Variants in ACKR2 observed in about 807,000 individuals in gnomAD.
ACKR2 encodes C-C chemokine receptor D6.
For missense variants in ACKR2, 457 were observed against 477.3 expected, an observed-to-expected ratio of 0.96 and a Z score of 0.40; for synonymous variants, 207 against 192.2, an observed-to-expected ratio of 1.08 and a Z score of -0.64.
intron 2 of ACKR2, among the ~76,000 whole-genome samples, chr3:42,845,969 C>T (rs1026551734): frequency 2.6e-5 from 4 of 151,886 alleles, no homozygotes; most frequent in African/African-American, 9.7e-5. Flanking sequence ...AAGGGAAAAT[C>T]CTGTAAACTA....
chr3:42,852,966 G>A lies in ACKR2; in HGVS notation c.-37-11500G>A, dbSNP rs1701178530. 6.6e-6 allele frequency among the ~76,000 whole-genome samples: 1 copy of A among 152,182 alleles called. No homozygotes were observed. On this transcript the variant is annotated intron_variant, in intron 2 of 2. Transcript: ENST00000422265. The surrounding 1 kb of genome is among the most constrained non-coding windows in gnomAD (Gnocchi z 4.3). ...GTGCCTGGCTTACAGTGTGGCCCTG[G>A]ATTTCCTGGGAAACTAGAGAGGCGA...
intron 1 of ACKR2, among the ~76,000 whole-genome samples, chr3:42,815,215 A>T (rs1184173493): frequency 6.6e-6 from 1 of 152,236 alleles, no homozygotes; most frequent in Non-Finnish European, 1.5e-5. Context: ...AGGGAGTGTC[A>T]GCCTTAGCCA....
chr3:42,830,967 T>G (rs923110833), intron 2 of ACKR2, among the ~76,000 whole-genome samples: 1 of 151,964 alleles, frequency 6.6e-6, no homozygotes, highest in Admixed American at 6.6e-5. Flanking sequence ...CAGAAATGAC[T>G]AAAAACCTGT....
intron 2 of ACKR2, chr3:42,850,934 G>A (rs1488091636): frequency 5.9e-5 from 9 of 152,378 alleles, no homozygotes; most frequent in Admixed American, 5.9e-4. Flanking sequence ...CTGCTCAGTG[G>A]GAGTTATGGC....
chr3:42,820,390 G>C (rs896677673), intron 2 of ACKR2, among the ~76,000 whole-genome samples: 1 of 151,946 alleles, frequency 6.6e-6, no homozygotes, highest in African/African-American at 2.4e-5. Flanking sequence ...TCAGGAGATC[G>C]AGACCATCCT....
intron 1 of ACKR2, among the ~76,000 whole-genome samples, chr3:42,815,334 ACTT>A (rs1428961420): frequency 1.3e-5 from 2 of 152,180 alleles, no homozygotes; most frequent in Non-Finnish European, 2.9e-5. Context: ...TGTTATCTCT[ACTT>A]CTTGACAAGG....
chr3:42,830,659 G>A (rs1264060663), intron 2 of ACKR2, among the ~76,000 whole-genome samples: 1 of 151,858 alleles, frequency 6.6e-6, no homozygotes, highest in Admixed American at 6.6e-5. Context: ...GTCTCCTGGT[G>A]ATGAGGTGTA....
At chr3:42,833,290 C>T (rs988755608) in intron 2 of ACKR2, among the ~76,000 whole-genome samples, 3 of 152,162 alleles carry the variant, frequency 2.0e-5, no homozygotes, top group African/African-American at 7.2e-5. Flanking sequence ...ATTTATTTAA[C>T]CCAAAATATA....
intron 2 of ACKR2, among the ~76,000 whole-genome samples, chr3:42,851,832 A>G (rs1434911219): frequency 6.6e-6 from 1 of 152,166 alleles, no homozygotes; most frequent in East Asian, 1.9e-4. Flanking sequence ...CCTCTCTCCC[A>G]GGGCCAAAGT....
At chr3:42,823,628 T>C (rs1575376976) in intron 2 of ACKR2, among the ~76,000 whole-genome samples, 1 of 152,218 alleles carries the variant, frequency 6.6e-6, no homozygotes, top group African/African-American at 2.4e-5. Context: ...TTCTAAGCCA[T>C]GCAATCAACT....
chr3:42,848,867 T>G (rs761203874), intron 2 of ACKR2, among the ~76,000 whole-genome samples: 134 of 152,348 alleles, frequency 8.8e-4, no homozygotes, highest in Admixed American at 1.2e-3. Context: ...AGATCACTTC[T>G]GTGTTGTTCC....
intron 2 of ACKR2, among the ~76,000 whole-genome samples, chr3:42,823,553 G>A (rs1425605589): frequency 6.6e-6 from 1 of 152,132 alleles, no homozygotes; most frequent in Non-Finnish European, 1.5e-5. Context: ...GGCTTGCCCT[G>A]ACATGTCCAA....
At chr3:42,840,504 T>G (rs1239281611) in intron 2 of ACKR2, among the ~76,000 whole-genome samples, 1 of 152,142 alleles carries the variant, frequency 6.6e-6, no homozygotes, top group African/African-American at 2.4e-5. Context: ...TCACCTTTAC[T>G]CAGGTGCTAA....
chr3:42,864,403 C>T (rs113992337), intron 2 of ACKR2, 63 bp from the exon 3 acceptor site: 11 of 1,439,748 alleles, frequency 7.6e-6, no homozygotes, highest in Non-Finnish European at 1.0e-5. Flanking sequence ...CCCAGGGCAG[C>T]AGCAAAAGTG....
chr3:42,861,310 C>A (rs2088382251), intron 2 of ACKR2, among the ~76,000 whole-genome samples: 3 of 152,056 alleles, frequency 2.0e-5, no homozygotes, highest in African/African-American at 7.2e-5. Context: ...AAGACTAAAC[C>A]AGGAAGAAGT....
In ACKR2 at chr3:42,864,570, A is replaced by G. The variant is rs1165956692; in HGVS notation, c.68A>G (p.Tyr23Cys). The G allele has an allele frequency of 3.1e-6, 5 of 1,614,098 alleles. No individual in the cohort carries two copies. The East Asian group carries it at 6.7e-5, about 22-fold the overall frequency. Residue 23 changes from tyrosine (Y) to cysteine (C), a missense_variant, in exon 3 of 3, where the codon TAT becomes TGT. Physicochemically the swap from Tyr to Cys is radical, Grantham distance 194. Transcript: ENST00000422265. ...EDADSENSSFYYYDYLDEVAF... is the reference protein window; with the variant it reads ...EDADSENSSFCYYDYLDEVAF... ...GCCGATTCTGAGAATAGCAGCTTCTATTACTATGACTACCTGGATGAAGTG... is the reference window on the plus strand; with the variant it reads ...GCCGATTCTGAGAATAGCAGCTTCTGTTACTATGACTACCTGGATGAAGTG...
chr3:42,832,315 C>T (rs979941227), intron 2 of ACKR2, among the ~76,000 whole-genome samples: 1 of 152,006 alleles, frequency 6.6e-6, no homozygotes. Flanking sequence ...ACAGTGAGGA[C>T]CTGTCTCTAA....
At chr3:42,826,339 C>T (rs1700864788) in intron 2 of ACKR2, among the ~76,000 whole-genome samples, 1 of 152,072 alleles carries the variant, frequency 6.6e-6, no homozygotes. Flanking sequence ...AGTGGTAATT[C>T]TTTAAACATT....
At chr3:42,850,499 A>G (rs1701142841) in intron 2 of ACKR2, among the ~76,000 whole-genome samples, 1 of 151,778 alleles carries the variant, frequency 6.6e-6, no homozygotes, top group Non-Finnish European at 1.5e-5. Context: ...TGACATTACT[A>G]CTCTATTATT....
Sources: allele counts gnomAD v4.1 joint callset (sites outside exome capture counted in the v4.1 genomes callset), GRCh38; gene constraint gnomAD v4.1.1; non-coding constraint Gnocchi (gnomAD v3.1); transcripts MANE v1.5; gene names NCBI Gene and HGNC (gene_info 2026-07-23, HGNC 2026-07-21).